LRP1B: variants seen among roughly 807,000 people sequenced by gnomAD.
The protein encoded by LRP1B is LDL receptor related protein 1B.
A neutral mutation model predicts 556.6 loss-of-function variants in LRP1B; 217 were observed. That is an observed-to-expected ratio of 0.39 (90% CI 0.35 to 0.44). LRP1B has a LOEUF of 0.44. Ranked by LOEUF, LRP1B falls within the 20% of genes least tolerant of loss-of-function variation. The probability of loss-of-function intolerance (pLI) is 1.00; values close to 1 mark genes in which losing one functional copy is unlikely to be tolerated. For missense variants in LRP1B, 5,053 were observed against 5,620.8 expected, an observed-to-expected ratio of 0.90 and a Z score of 3.23; for synonymous variants, 2,047 against 1,865.8, an observed-to-expected ratio of 1.10 and a Z score of -2.50.
chr2:141,166,987 C>G (rs529077324), intron 7 of LRP1B, among the ~76,000 whole-genome samples: 1 of 151,892 alleles, frequency 6.6e-6, no homozygotes, highest in Non-Finnish European at 1.5e-5. Flanking sequence ...ACTTCAGAAA[C>G]ACTAATTCTG....
intron 7 of LRP1B, among the ~76,000 whole-genome samples, chr2:141,080,959 G>T (rs939045143): frequency 6.6e-6 from 1 of 152,062 alleles, no homozygotes; most frequent in Non-Finnish European, 1.5e-5. Flanking sequence ...AGTCCTCTCA[G>T]GTAGCTAGAA....
At chr2:141,079,243 A>C (rs1574052524) in intron 7 of LRP1B, among the ~76,000 whole-genome samples, 1 of 152,212 alleles carries the variant, frequency 6.6e-6, no homozygotes, top group East Asian at 1.9e-4. Context: ...GCTCCGGGAA[A>C]AGGAGTCAGT....
intron 35 of LRP1B, among the ~76,000 whole-genome samples, chr2:140,740,117 T>A (rs1688087337): frequency 6.6e-6 from 1 of 152,144 alleles, no homozygotes; most frequent in Admixed American, 6.5e-5. Context: ...AGTGTGGAAA[T>A]TCCTTAAAAA....
intron 7 of LRP1B, among the ~76,000 whole-genome samples, chr2:141,154,705 C>A (rs1702022590): frequency 6.6e-6 from 1 of 151,720 alleles, no homozygotes; most frequent in African/African-American, 2.4e-5. Context: ...TCTGATAATC[C>A]AAGCCAGAAT....
intron 5 of LRP1B, among the ~76,000 whole-genome samples, chr2:141,231,875 T>C (rs1326795885): frequency 6.6e-6 from 1 of 152,096 alleles, no homozygotes; most frequent in Non-Finnish European, 1.5e-5. Flanking sequence ...AAAGCCTCAA[T>C]GAGATTATAA....
intron 41 of LRP1B, among the ~76,000 whole-genome samples, chr2:140,682,504 G>A (rs1685892339): frequency 6.6e-6 from 1 of 152,140 alleles, no homozygotes; most frequent in African/African-American, 2.4e-5. Flanking sequence ...CACTTGCCTT[G>A]GGCTGGGCTG....
intron 18 of LRP1B, among the ~76,000 whole-genome samples, chr2:140,977,916 T>C (rs75502063): frequency 1.4e-3 from 211 of 152,318 alleles, no homozygotes; most frequent in African/African-American, 4.9e-3. Flanking sequence ...GTAATTATTT[T>C]ATTGACAACT....
chr2:140,234,996 C>A, intron 89 of LRP1B, 112 bp from the exon 90 acceptor site: 2 of 552,072 alleles, frequency 3.6e-6, no homozygotes, highest in Non-Finnish European at 6.6e-6. Context: ...TTTAGCCTTA[C>A]ACCATTTACA....
Position 140,770,895 on chromosome 2 carries a change from C to T in LRP1B, c.5612G>A (p.Arg1871His), listed in dbSNP as rs757783196. Residue 1871 changes from arginine (R) to histidine (H), a missense_variant, in exon 34 of 91, where the codon CGT becomes CAT. Arg to His is a conservative substitution (Grantham distance 29, BLOSUM62 0). Coordinates refer to ENST00000389484, the MANE Select transcript of LRP1B (RefSeq NM_018557.3). ...CTVGYYLQKN[R>H]MSCQGIESFL... is the part of the protein sequence containing the mutation. ...TGAACTCATACCTTGACATGACATA[C>T]GGTTCTTTTGGAGATAATATCCCAC... is the stretch of plus-strand genomic sequence containing the variant. The T allele has an allele frequency of 2.9e-5, 45 of 1,553,206 alleles. No homozygotes were observed. The highest frequency in any genetic ancestry group is 2.3e-4 in the Admixed American group (11 of 46,858).
At chr2:141,582,488 A>G (rs1686983477) in intron 2 of LRP1B, among the ~76,000 whole-genome samples, 1 of 152,206 alleles carries the variant, frequency 6.6e-6, no homozygotes, top group African/African-American at 2.4e-5. Context: ...GATCGTTGAC[A>G]CTAGCAAAGA....
intron 2 of LRP1B, among the ~76,000 whole-genome samples, chr2:141,639,426 T>C (rs995225707): frequency 7.0e-5 from 9 of 128,786 alleles, no homozygotes; most frequent in African/African-American, 2.5e-4. Flanking sequence ...ATATATATTT[T>C]TTTTTGAGAC....
intron 1 of LRP1B, among the ~76,000 whole-genome samples, chr2:141,952,574 C>A (rs1701136236): frequency 6.6e-6 from 1 of 152,000 alleles, no homozygotes. Context: ...GGCTAAAGGC[C>A]TCCTTTTAAA....
intron 2 of LRP1B, among the ~76,000 whole-genome samples, chr2:141,671,298 G>GAAGC (rs1382633664): frequency 6.6e-6 from 1 of 152,130 alleles, no homozygotes; most frequent in Non-Finnish European, 1.5e-5. Context: ...AGATTCTCTA[G>GAAGC]AAGCAAATCA....
intron 2 of LRP1B, among the ~76,000 whole-genome samples, chr2:141,547,762 C>T (rs1319916329): frequency 1.3e-5 from 2 of 152,096 alleles, no homozygotes; most frequent in Non-Finnish European, 2.9e-5. Flanking sequence ...TTAATATCTC[C>T]TTTTATTCCT....
chr2:141,252,207 T>TA (rs70991149), intron 4 of LRP1B, among the ~76,000 whole-genome samples: 734 of 71,858 alleles, frequency 0.01, 11 homozygotes, highest in Admixed American at 0.048. Flanking sequence ...CCCCACCCCC[T>TA]AAAAAAAAAA....
intron 52 of LRP1B, among the ~76,000 whole-genome samples, 164 bp from the exon 53 acceptor site, chr2:140,507,082 A>C (rs930791616): frequency 1.3e-5 from 2 of 152,338 alleles, no homozygotes; most frequent in East Asian, 1.9e-4. Context: ...TAATAATTGC[A>C]TATGTATTTA....
chr2:140,485,372 G>A lies in LRP1B; in HGVS notation c.9396C>T (p.Pro3132=), dbSNP rs1219231322. 6.2e-7 allele frequency: 1 copy of A among 1,611,300 alleles called. No homozygotes were observed. The highest frequency in any genetic ancestry group is 8.5e-7 in the Non-Finnish European group (1 of 1,179,170). The change falls in exon 59 of 91, where the codon CCC becomes CCT. Residue 3132 remains proline (P), a synonymous_variant. Transcript: ENST00000389484. Reference sequence around the variant, plus strand: ...CTTGAGGATCTAAAGACAAGTCTCTGGGAAACTTCAGCCTTTTGCTAACGA... The same window carrying A: ...CTTGAGGATCTAAAGACAAGTCTCTAGGAAACTTCAGCCTTTTGCTAACGA... ...TILVSKRLKF[P]RDLSLDPQAG...
intron 2 of LRP1B, among the ~76,000 whole-genome samples, chr2:141,787,025 T>A (rs559163805): frequency 6.6e-6 from 1 of 152,082 alleles, no homozygotes; most frequent in South Asian, 2.1e-4. Flanking sequence ...GCATTTTATA[T>A]CCTTTTGTAT....
Position 140,582,735 on chromosome 2 carries a change from G to A in LRP1B, c.7194+15896C>T, listed in dbSNP as rs554448563. 5.3e-5 allele frequency among the ~76,000 whole-genome samples: 8 copies of A among 152,284 alleles called. No homozygotes were observed. In the East Asian group the frequency reaches 1.5e-3, roughly 29 times the overall value. Reference sequence around the variant, plus strand: ...TTGATCTTTCACTTCTCAGCCTCCAGAACTGTGGGAAATAAATTTCTATTA... The same window carrying A: ...TTGATCTTTCACTTCTCAGCCTCCAAAACTGTGGGAAATAAATTTCTATTA... On this transcript the variant is annotated intron_variant, in intron 43 of 90. Coordinates refer to ENST00000389484, the MANE Select transcript of LRP1B (RefSeq NM_018557.3).
Sources: allele counts gnomAD v4.1 joint callset (sites outside exome capture counted in the v4.1 genomes callset), GRCh38; gene constraint gnomAD v4.1.1; transcripts MANE v1.5; gene names NCBI Gene and HGNC (gene_info 2026-07-23, HGNC 2026-07-21).